ROBO2: variants seen among roughly 807,000 people sequenced by gnomAD.
ROBO2 encodes the protein roundabout homolog 2.
A neutral mutation model predicts 160.8 loss-of-function variants in ROBO2; 53 were observed. That is an observed-to-expected ratio of 0.33 (90% CI 0.26 to 0.41). The LOEUF is 0.41. ROBO2 is among the 10% of genes least tolerant of loss of function. The probability of loss-of-function intolerance (pLI) is 1.00; values close to 1 mark genes in which losing one functional copy is unlikely to be tolerated. For missense variants in ROBO2, 1,577 were observed against 1,722.4 expected (o/e 0.92, Z 1.49); for synonymous variants, 664 against 611.7 (o/e 1.09, Z -1.26).
chr3:76,484,902 A>AT (rs1191070868), intron 2 of ROBO2, among the ~76,000 whole-genome samples: 3 of 152,074 alleles, frequency 2.0e-5, no homozygotes, highest in Non-Finnish European at 2.9e-5. Context: ...AACTAGGGAC[A>AT]TTTTTTCTCA....
intron 2 of ROBO2, among the ~76,000 whole-genome samples, chr3:76,697,884 G>A (rs2092961331): frequency 6.6e-6 from 1 of 152,120 alleles, no homozygotes; most frequent in African/African-American, 2.4e-5. Context: ...CAGAGAGCAG[G>A]TGGCATTTGA....
At chr3:76,389,379 T>C (rs1442912974) in intron 2 of ROBO2, among the ~76,000 whole-genome samples, 2 of 152,162 alleles carry the variant, frequency 1.3e-5, no homozygotes, top group Non-Finnish European at 2.9e-5. Flanking sequence ...TAAGAAAATA[T>C]GGAACTCTAG....
At chr3:77,107,096 T>C (rs1183674880) in intron 2 of ROBO2, among the ~76,000 whole-genome samples, 1 of 152,210 alleles carries the variant, frequency 6.6e-6, no homozygotes, top group Non-Finnish European at 1.5e-5. Flanking sequence ...AGAGCCAGCA[T>C]GGCTGGGTTT....
rs544577115 is a variant in ROBO2, at chr3:76,735,487, C to T, written c.110-362527C>T. 4.5e-4 allele frequency among the ~76,000 whole-genome samples: 68 copies of T among 152,210 alleles called. 1 individual carries two copies. The highest frequency in any genetic ancestry group is 1.6e-3 in the African/African-American group (66 of 41,546). On this transcript the variant is annotated intron_variant, in intron 2 of 26. Coordinates refer to the ROBO2 transcript ENST00000487694. ...GGGTTAAAAACCTGTTGGGGCCAGG[C>T]ACAGTGTCTCACGCCTGTAATCTCA...
chr3:76,078,123 A>G (rs1235878201), intron 2 of ROBO2, among the ~76,000 whole-genome samples: 1 of 152,226 alleles, frequency 6.6e-6, no homozygotes, highest in African/African-American at 2.4e-5. Flanking sequence ...TGCAACATTC[A>G]TATGATAGAG....
At chr3:76,924,021 A>C (rs2076828567) in intron 2 of ROBO2, among the ~76,000 whole-genome samples, 1 of 152,210 alleles carries the variant, frequency 6.6e-6, no homozygotes, top group Admixed American at 6.5e-5. Context: ...GTCATCTCTT[A>C]TGTTTAATCA....
chr3:77,340,133 A>T lies in ROBO2; in HGVS notation c.389-137281A>T, dbSNP rs554512431. On this transcript the variant is annotated intron_variant, in intron 2 of 25. Transcript: ENST00000461745. ...GCTATCATAAGTGGTAAGATTGCTC[A>T]ATTCGTATTAGCTATAACACAAGTG... Among the ~76,000 whole-genome samples the T allele has an allele frequency of 8.6e-4, 131 of 152,210 alleles. 1 individual carries two copies. Among genetic ancestry groups the T allele is most frequent in the African/African-American group, 3.0e-3 (125 of 41,568 alleles).
chr3:77,354,935 G>C (rs1314728203), intron 2 of ROBO2, among the ~76,000 whole-genome samples: 3 of 152,164 alleles, frequency 2.0e-5, no homozygotes, highest in Non-Finnish European at 4.4e-5. Context: ...AATACCGAAG[G>C]TTTCTTTGTT....
chr3:76,751,941 G>A (rs1359781781), intron 2 of ROBO2, among the ~76,000 whole-genome samples: 1 of 151,944 alleles, frequency 6.6e-6, no homozygotes, highest in East Asian at 1.9e-4. Flanking sequence ...CCCATTACTG[G>A]GTATATACCC....
intron 2 of ROBO2, among the ~76,000 whole-genome samples, chr3:77,290,250 A>T (rs537688287): frequency 1.4e-5 from 2 of 144,890 alleles, no homozygotes; most frequent in Admixed American, 6.9e-5. Flanking sequence ...ATTGATGGTT[A>T]AACGGGAAGT....
In ROBO2 at chr3:76,106,440, G is replaced by A. The variant is rs1180775014; in HGVS notation, c.109+168838G>A. On this transcript the variant is annotated intron_variant, in intron 2 of 26. Coordinates refer to the ROBO2 transcript ENST00000487694. ...ATATACATGTATATATAGTCCCAAA[G>A]TTTGCATTACTACATAACTTTTACA... 2.6e-5 allele frequency among the ~76,000 whole-genome samples: 4 copies of A among 152,136 alleles called. No homozygotes were observed. In the East Asian group the frequency reaches 7.7e-4, roughly 29 times the overall value.
At position 77,465,762 on chromosome 3, in the gene ROBO2, T is replaced by G. The variant is rs573529381; in HGVS notation, c.389-11652T>G. On this transcript the variant is annotated intron_variant, in intron 2 of 25. Transcript: ENST00000461745. ...TATTACTTATACCTTAAAAAGATAC[T>G]CAGTATCTGTTGTTTGATATCAGTT... Among the ~76,000 whole-genome samples the G allele has an allele frequency of 3.9e-5, 6 of 152,312 alleles. No homozygotes were observed. The East Asian group carries it at 1.2e-3, about 29-fold the overall frequency.
chr3:76,693,693 A>G (rs991069183), intron 2 of ROBO2, among the ~76,000 whole-genome samples: 2 of 152,140 alleles, frequency 1.3e-5, no homozygotes. Context: ...CTGAGGCCAA[A>G]GCCTGGAGAA....
At chr3:77,499,863 C>T (rs1434877766) in intron 5 of ROBO2, among the ~76,000 whole-genome samples, 3 of 151,984 alleles carry the variant, frequency 2.0e-5, no homozygotes, top group East Asian at 3.9e-4. Context: ...TGGCCAGGCT[C>T]GTCTGGAACT....
intron 2 of ROBO2, among the ~76,000 whole-genome samples, chr3:76,798,701 G>A (rs1359148963): frequency 6.6e-6 from 1 of 152,124 alleles, no homozygotes; most frequent in Non-Finnish European, 1.5e-5. Context: ...CCACCAGCCT[G>A]GGCAGCAAGG....
intron 2 of ROBO2, among the ~76,000 whole-genome samples, chr3:76,671,491 A>G (rs146354062): frequency 2.0e-5 from 3 of 152,166 alleles, no homozygotes; most frequent in Admixed American, 6.6e-5. Context: ...GGCTCACACA[A>G]TACTTCTCAG....
chr3:77,340,991 A>G lies in ROBO2; in HGVS notation c.389-136423A>G, dbSNP rs554098601. Among the ~76,000 whole-genome samples the G allele has an allele frequency of 1.3e-4, 20 of 152,292 alleles. 1 individual carries two copies. The highest frequency in any genetic ancestry group is 4.6e-4 in the African/African-American group (19 of 41,576). ...ACTATGAGTTAAGAATATTCTTTAC[A>G]TTTTTAATGGCTGACAAAAAATCAA... On this transcript the variant is annotated intron_variant, in intron 2 of 25. Coordinates refer to ENST00000461745, the Ensembl canonical transcript of ROBO2.
intron 1 of ROBO2, among the ~76,000 whole-genome samples, chr3:77,067,119 A>C (rs2066941855): frequency 6.6e-6 from 1 of 151,958 alleles, no homozygotes; most frequent in African/African-American, 2.4e-5. Context: ...CTTTTTCCAA[A>C]GATTTCAAAA....
chr3:76,591,981 A>C (rs17014434), intron 2 of ROBO2, among the ~76,000 whole-genome samples: 2,108 of 152,138 alleles, frequency 0.014, 110 homozygotes, highest in Admixed American at 0.089. Context: ...GCTATTTTTC[A>C]CTTATACATG....
Sources: allele counts gnomAD v4.1 joint callset (sites outside exome capture counted in the v4.1 genomes callset), GRCh38; gene constraint gnomAD v4.1.1; transcripts MANE v1.5; gene names NCBI Gene and HGNC (gene_info 2026-07-23, HGNC 2026-07-21).